Variants in AP3S1 observed in about 807,000 individuals in gnomAD.
The protein encoded by AP3S1 is adaptor related protein complex 3 subunit sigma 1.
Under a neutral mutation model 21.3 loss-of-function variants are expected in AP3S1, and 12 were observed. The ratio of observed to expected loss-of-function variants is 0.56; its 90% CI spans 0.36 to 0.91. The LOEUF is 0.91. Ranked by LOEUF, AP3S1 falls within the 40% of genes least tolerant of loss-of-function variation. The pLI is 0.01. For missense variants in AP3S1, 116 were observed against 225.0 expected, an observed-to-expected ratio of 0.52 and a Z score of 3.10; for synonymous variants, 48 against 78.4, an observed-to-expected ratio of 0.61 and a Z score of 2.05.
At chr5:115,862,850 G>C (rs893568473) in intron 1 of AP3S1, among the ~76,000 whole-genome samples, 9 of 152,236 alleles carry the variant, frequency 5.9e-5, no homozygotes, top group African/African-American at 2.2e-4. Context: ...CCAAGCAGCA[G>C]AGAAATATCA....
intron 1 of AP3S1, among the ~76,000 whole-genome samples, chr5:115,854,353 T>C (rs565219177): frequency 7.2e-5 from 11 of 152,300 alleles, no homozygotes; most frequent in Admixed American, 5.9e-4. Flanking sequence ...ATGCTAAGCA[T>C]TTTTTATACA....
At chr5:115,896,097 G>T (rs547908116) in intron 4 of AP3S1, among the ~76,000 whole-genome samples, 35 of 152,232 alleles carry the variant, frequency 2.3e-4, no homozygotes, top group African/African-American at 7.9e-4. Context: ...AAAAAATCCA[G>T]TGTGATTTTT....
intron 5 of AP3S1, among the ~76,000 whole-genome samples, chr5:115,905,764 T>G (rs758040916): frequency 1.3e-5 from 2 of 152,246 alleles, no homozygotes; most frequent in Non-Finnish European, 2.9e-5. Flanking sequence ...GAGATATTAC[T>G]CTGCAGAATA....
chr5:115,872,565 G>T lies in AP3S1; in HGVS notation c.273+2437G>T, dbSNP rs149797200. ...TTTTTCATAATATTTAAAGCTCTAA[G>T]TGGAGACTTGAAAGAAATTTTGAGC... On this transcript the variant is annotated intron_variant, in intron 3 of 5. Transcript: ENST00000316788. Among the ~76,000 whole-genome samples the T allele has an allele frequency of 1.5e-3, 223 of 152,226 alleles. 8 individuals are homozygous for T. The East Asian group carries it at 0.041, about 28-fold the overall frequency.
chr5:115,849,976 C>G (rs1289767063), intron 1 of AP3S1, among the ~76,000 whole-genome samples: 1 of 152,136 alleles, frequency 6.6e-6, no homozygotes, highest in Non-Finnish European at 1.5e-5. Flanking sequence ...GACCTGTGAT[C>G]AAGCTTTCGT....
chr5:115,850,277 C>A (rs1479401057), intron 1 of AP3S1, among the ~76,000 whole-genome samples: 1 of 152,040 alleles, frequency 6.6e-6, no homozygotes, highest in Admixed American at 6.5e-5. Flanking sequence ...CTAGTTGATT[C>A]TACCGCATAC....
chr5:115,896,112 A>G (rs1335975620), intron 4 of AP3S1, among the ~76,000 whole-genome samples: 1 of 152,184 alleles, frequency 6.6e-6, no homozygotes, highest in Non-Finnish European at 1.5e-5. Flanking sequence ...ATTTTTAAAA[A>G]TTGGCTTTAT....
chr5:115,889,343 G>A (rs1261365298), intron 3 of AP3S1, among the ~76,000 whole-genome samples: 1 of 152,148 alleles, frequency 6.6e-6, no homozygotes, highest in Non-Finnish European at 1.5e-5. Flanking sequence ...ATTCTGATTA[G>A]TAAATCTAAT....
At chr5:115,852,924 G>A in intron 1 of AP3S1, 1 of 429,158 alleles carries the variant, frequency 2.3e-6, no homozygotes, top group Non-Finnish European at 4.7e-6. Context: ...GAATAATGGT[G>A]CTATGAACAT....
At chr5:115,851,614 C>T (rs1762443838) in intron 1 of AP3S1, among the ~76,000 whole-genome samples, 1 of 152,020 alleles carries the variant, frequency 6.6e-6, no homozygotes, top group Non-Finnish European at 1.5e-5. Context: ...ATTTGTATGT[C>T]TTTGGAAAAA....
intron 1 of AP3S1, among the ~76,000 whole-genome samples, chr5:115,854,264 C>T (rs1343852870): frequency 2.0e-5 from 3 of 152,132 alleles, no homozygotes; most frequent in Non-Finnish European, 4.4e-5. Flanking sequence ...TTGGGGGAGA[C>T]ATTCAAACCA....
intron 1 of AP3S1, among the ~76,000 whole-genome samples, chr5:115,862,621 G>C (rs1013131360): frequency 2.0e-4 from 31 of 152,178 alleles, no homozygotes; most frequent in African/African-American, 7.5e-4. Flanking sequence ...TGTTGCTATT[G>C]TGGTAAATTC....
At chr5:115,899,232 C>A (rs1053656056) in intron 4 of AP3S1, among the ~76,000 whole-genome samples, 1 of 152,172 alleles carries the variant, frequency 6.6e-6, no homozygotes, top group African/African-American at 2.4e-5. Context: ...TGGTCTTTAA[C>A]CACAGGCACA....
At chr5:115,891,298 G>A (rs894138933) in intron 3 of AP3S1, among the ~76,000 whole-genome samples, 3 of 152,062 alleles carry the variant, frequency 2.0e-5, no homozygotes, top group African/African-American at 7.2e-5. Context: ...CAGATATTTG[G>A]GAGTTTGTCC....
chr5:115,861,579 G>C (rs753953458), intron 1 of AP3S1, among the ~76,000 whole-genome samples: 15 of 151,986 alleles, frequency 9.9e-5, no homozygotes, highest in Non-Finnish European at 1.8e-4. Context: ...TTTTGAGGCA[G>C]GGTCTTGCTC....
At chr5:115,859,983 C>T (rs1051757849) in intron 1 of AP3S1, among the ~76,000 whole-genome samples, 12 of 152,152 alleles carry the variant, frequency 7.9e-5, no homozygotes, top group South Asian at 2.1e-4. Flanking sequence ...TATCGTTGTA[C>T]GGTTCTGTAG....
intron 1 of AP3S1, among the ~76,000 whole-genome samples, chr5:115,852,101 A>G (rs1762479550): frequency 6.6e-6 from 1 of 152,158 alleles, no homozygotes; most frequent in Admixed American, 6.5e-5. Flanking sequence ...GTGGAAGATC[A>G]TGTAGTCAGT....
chr5:115,847,683 A>G (rs1398583593), intron 1 of AP3S1, among the ~76,000 whole-genome samples: 1 of 152,254 alleles, frequency 6.6e-6, no homozygotes. Context: ...ACATATATTT[A>G]CCGTGTACAT....
At chr5:115,846,803 T>C (rs981714518) in intron 1 of AP3S1, among the ~76,000 whole-genome samples, 1 of 152,152 alleles carries the variant, frequency 6.6e-6, no homozygotes, top group Admixed American at 6.5e-5. Context: ...TTCAGCTTTT[T>C]GTTAAGAAGA....
Sources: allele counts gnomAD v4.1 joint callset (sites outside exome capture counted in the v4.1 genomes callset), GRCh38; gene constraint gnomAD v4.1.1; transcripts MANE v1.5; gene names NCBI Gene and HGNC (gene_info 2026-07-23, HGNC 2026-07-21).